Variants in INSR observed in about 807,000 individuals in gnomAD.
The protein encoded by INSR is insulin receptor.
Under a neutral mutation model 142.6 loss-of-function variants are expected in INSR, and 67 were observed. That is an observed-to-expected ratio of 0.47 (90% CI 0.39 to 0.58). The LOEUF is 0.58. INSR is among the 20% of genes least tolerant of loss of function. The pLI is 0.00. For synonymous variants in INSR, 756 were observed against 743.1 expected, an observed-to-expected ratio of 1.02 and a Z score of -0.28; for missense variants, 1,248 against 1,833.2, an observed-to-expected ratio of 0.68 and a Z score of 5.83.
intron 2 of INSR, among the ~76,000 whole-genome samples, chr19:7,261,761 C>A (rs952974999): frequency 6.6e-6 from 1 of 152,010 alleles, no homozygotes; most frequent in Non-Finnish European, 1.5e-5. Flanking sequence ...GAACTCCTGA[C>A]CTCAAGCGAT....
chr19:7,166,378 T>A lies in INSR; in HGVS notation c.1637A>T (p.Asp546Val). The A allele has an allele frequency of 6.2e-7, 1 of 1,614,022 alleles. No individual in the cohort carries two copies. The highest frequency in any genetic ancestry group is 8.5e-7 in the Non-Finnish European group (1 of 1,180,008). The change falls in exon 8 of 22, where the codon GAC (aspartate) becomes GTC (valine). Residue 546 changes from aspartate (D) to valine (V), a missense_variant. By Grantham distance (152) the Asp-to-Val change is radical. Transcript: ENST00000302850. This position sits in a 1 kb window ranked among gnomAD's most constrained non-coding sequence, Gnocchi z 4.1. ...GTTGGAACCACACGCATCCTGCCCGTCGAACTCCGTCACATTCTGATAAGG... is the reference window on the plus strand; with the variant it reads ...GTTGGAACCACACGCATCCTGCCCGACGAACTCCGTCACATTCTGATAAGG... ...EAPYQNVTEF[D>V]GQDACGSNSW...
At chr19:7,200,859 CAAAAA>C (rs59770137) in intron 2 of INSR, among the ~76,000 whole-genome samples, 21 of 76,298 alleles carry the variant, frequency 2.8e-4, no homozygotes, top group Admixed American at 4.4e-4. Context: ...GACCTTATCT[CAAAAA>C]AAAAAAAAAA....
chr19:7,215,234 T>C (rs1975397902), intron 2 of INSR, among the ~76,000 whole-genome samples: 1 of 152,104 alleles, frequency 6.6e-6, no homozygotes. Flanking sequence ...CACCAGCCAG[T>C]TCAGACACTC....
intron 1 of INSR, among the ~76,000 whole-genome samples, chr19:7,288,899 G>T (rs1489506134): frequency 6.7e-6 from 1 of 149,176 alleles, no homozygotes; most frequent in Non-Finnish European, 1.5e-5. Context: ...GGAGACGGAG[G>T]TTGTAGTGAG....
intron 2 of INSR, among the ~76,000 whole-genome samples, chr19:7,256,770 A>G (rs73492827): frequency 0.16 from 23,757 of 151,764 alleles, 2,025 homozygotes; most frequent in South Asian, 0.24. Context: ...CATCTGAGTG[A>G]AAAATGAATT....
At chr19:7,190,907 T>C (rs759760963) in intron 2 of INSR, among the ~76,000 whole-genome samples, 1 of 152,244 alleles carries the variant, frequency 6.6e-6, no homozygotes, top group Non-Finnish European at 1.5e-5. Flanking sequence ...GCTTTTAAAT[T>C]GGCATGACTT....
At chr19:7,248,979 G>C (rs949749300) in intron 2 of INSR, among the ~76,000 whole-genome samples, 14 of 151,852 alleles carry the variant, frequency 9.2e-5, no homozygotes, top group African/African-American at 2.7e-4. Flanking sequence ...GGCTGGTCTC[G>C]AACTCCCCAC....
intron 2 of INSR, among the ~76,000 whole-genome samples, chr19:7,252,584 C>T (rs1976760976): frequency 6.6e-6 from 1 of 152,196 alleles, no homozygotes; most frequent in Non-Finnish European, 1.5e-5. Flanking sequence ...CAGTAAACAA[C>T]GCCGTGCTTC....
At chr19:7,172,577 T>G in intron 4 of INSR, 143 bp from the exon 5 acceptor site, 1 of 929,466 alleles carries the variant, frequency 1.1e-6, no homozygotes. Flanking sequence ...GAACACAATC[T>G]GAAGTCCTTA....
At chr19:7,169,044 G>T (rs1973952396) in intron 6 of INSR, among the ~76,000 whole-genome samples, 2 of 146,498 alleles carry the variant, frequency 1.4e-5, no homozygotes, top group Admixed American at 1.4e-4. Flanking sequence ...ACCTGCTGTA[G>T]CATTCCAGCC....
intron 20 of INSR, 114 bp downstream of exon 20, chr19:7,120,506 C>T: frequency 1.5e-6 from 2 of 1,309,502 alleles, no homozygotes; most frequent in South Asian, 2.4e-5. Context: ...CGCTGCCTTC[C>T]TTTCCTTGAT....
chr19:7,256,851 A>G (rs1347048294), intron 2 of INSR, among the ~76,000 whole-genome samples: 1 of 150,774 alleles, frequency 6.6e-6, no homozygotes, highest in Admixed American at 6.6e-5. Flanking sequence ...TTTTTTAAAG[A>G]TCTTTGACAA....
At chr19:7,167,856 G>A (rs41315976) in intron 7 of INSR, 112 bp downstream of exon 7, 15,785 of 1,275,862 alleles carry the variant, frequency 0.012, 120 homozygotes, top group Non-Finnish European at 0.015. Context: ...TATTCCAGGA[G>A]GAGGAGGGAG....
intron 1 of INSR, among the ~76,000 whole-genome samples, chr19:7,292,810 G>A (rs1440135265): frequency 6.6e-6 from 1 of 152,138 alleles, no homozygotes; most frequent in Non-Finnish European, 1.5e-5. Flanking sequence ...GCCCACACGT[G>A]GGAGAGGGGC....
rs1381534342 is a variant in INSR, at chr19:7,159,333, C to T, written c.2029+3699G>A. 1.3e-5 allele frequency: 2 copies of T among 152,262 alleles called. No homozygotes were observed. The highest frequency in any genetic ancestry group is 3.8e-4 in the East Asian group (2 of 5,204). The allele number at this position is 152,262 out of a possible 1,614,324, so 9.4% of individuals were successfully genotyped here. ...CTGAAACTCTGTCCTCAACCCGTCC[C>T]CTCCGCAGTCCCTGGCACTCCCCAT... On this transcript the variant is annotated intron_variant, in intron 9 of 21. Transcript: ENST00000302850. The surrounding 1 kb of genome is among the most constrained non-coding windows in gnomAD (Gnocchi z 4.3).
At chr19:7,250,441 GA>G (rs748131480) in intron 2 of INSR, among the ~76,000 whole-genome samples, 4 of 73,826 alleles carry the variant, frequency 5.4e-5, no homozygotes, top group Non-Finnish European at 1.4e-4. Context: ...AAGAAGAAAA[GA>G]AAGAAGAAAG....
At chr19:7,266,383 C>CTTTT (rs746892721) in intron 2 of INSR, among the ~76,000 whole-genome samples, 1 of 123,270 alleles carries the variant, frequency 8.1e-6, no homozygotes, top group Non-Finnish European at 1.7e-5. Context: ...TAGAAATTAT[C>CTTTT]TTTTTTTTTT....
intron 9 of INSR, among the ~76,000 whole-genome samples, chr19:7,155,702 C>T (rs995889501): frequency 6.6e-6 from 1 of 151,662 alleles, no homozygotes; most frequent in African/African-American, 2.4e-5. Flanking sequence ...CACTTGAGCC[C>T]AGGAGTTCAA....
chr19:7,179,416 G>A (rs1974219467), intron 3 of INSR, among the ~76,000 whole-genome samples: 1 of 152,214 alleles, frequency 6.6e-6, no homozygotes, highest in South Asian at 2.1e-4. Flanking sequence ...GGAGGAGGAT[G>A]GTGTCAGAAC....
Sources: allele counts gnomAD v4.1 joint callset (sites outside exome capture counted in the v4.1 genomes callset), GRCh38; gene constraint gnomAD v4.1.1; non-coding constraint Gnocchi (gnomAD v3.1); transcripts MANE v1.5; gene names NCBI Gene and HGNC (gene_info 2026-07-23, HGNC 2026-07-21).